The following FOCAD variants were observed in gnomAD, a reference collection of about 807,000 sequenced individuals.
FOCAD encodes KIAA1797.
Under a neutral mutation model 225.6 loss-of-function variants are expected in FOCAD, and 198 were observed. The observed-to-expected ratio is 0.88, with a 90% CI of 0.78 to 0.99. The LOEUF is 0.99. FOCAD is among the 50% of genes least tolerant of loss of function. FOCAD has a pLI of 0.00. For missense variants in FOCAD, 2,713 were observed against 2,123.6 expected, an observed-to-expected ratio of 1.28 and a Z score of -5.46; for synonymous variants, 897 against 755.0, an observed-to-expected ratio of 1.19 and a Z score of -3.08.
intron 25 of FOCAD, among the ~76,000 whole-genome samples, chr9:20,924,117 T>G (rs1054008724): frequency 6.6e-6 from 1 of 152,174 alleles, no homozygotes. Flanking sequence ...GTTTATTGAC[T>G]GAAAAAAATG....
intron 11 of FOCAD, among the ~76,000 whole-genome samples, chr9:20,799,526 C>A (rs562368513): frequency 6.6e-6 from 1 of 151,944 alleles, no homozygotes; most frequent in Non-Finnish European, 1.5e-5. Context: ...TGAATCTGGG[C>A]GCTCCTGTAT....
intron 15 of FOCAD, among the ~76,000 whole-genome samples, chr9:20,825,455 T>A (rs1486168519): frequency 1.3e-5 from 2 of 152,110 alleles, no homozygotes; most frequent in Non-Finnish European, 2.9e-5. Flanking sequence ...CTGGTGGCAT[T>A]TGGTAATGAT....
intron 8 of FOCAD, among the ~76,000 whole-genome samples, chr9:20,774,620 A>C (rs1458359100): frequency 6.6e-6 from 1 of 152,232 alleles, no homozygotes. Context: ...TATTTGATGC[A>C]CTTCAGTCTA....
intron 8 of FOCAD, among the ~76,000 whole-genome samples, chr9:20,777,545 T>C (rs1818887631): frequency 6.6e-6 from 1 of 152,146 alleles, no homozygotes; most frequent in Non-Finnish European, 1.5e-5. Flanking sequence ...GTGAACTTAA[T>C]GGTTTTCCAT....
intron 11 of FOCAD, among the ~76,000 whole-genome samples, chr9:20,805,188 T>C (rs1159815709): frequency 6.6e-6 from 1 of 152,224 alleles, no homozygotes; most frequent in Non-Finnish European, 1.5e-5. Context: ...TAAGGGTCTT[T>C]GAATGCATGT....
intron 29 of FOCAD, among the ~76,000 whole-genome samples, chr9:20,945,067 G>A (rs1837048159): frequency 6.6e-6 from 1 of 152,216 alleles, no homozygotes; most frequent in Non-Finnish European, 1.5e-5. Context: ...CTGGAAGAAG[G>A]TTAAATCGAG....
At position 20,937,428 on chromosome 9, in the gene FOCAD, A is replaced by T. The variant is rs866287122; in HGVS notation, c.3407+4325A>T. Reference sequence around the variant, plus strand: ...AGAGCTCTCAGAAATAATGCCACATATCTACAACCATCTGATCTTTGACAA... The same window carrying T: ...AGAGCTCTCAGAAATAATGCCACATTTCTACAACCATCTGATCTTTGACAA... On this transcript the variant is annotated intron_variant, in intron 28 of 43. Transcript: ENST00000338382. 1.1e-3 allele frequency among the ~76,000 whole-genome samples: 170 copies of T among 152,288 alleles called. 1 individual carries two copies. The Middle Eastern group carries it at 0.014, about 12-fold the overall frequency.
At chr9:20,719,696 G>C (rs1428963158) in intron 3 of FOCAD, among the ~76,000 whole-genome samples, 1 of 149,834 alleles carries the variant, frequency 6.7e-6, no homozygotes, top group Non-Finnish European at 1.5e-5. Context: ...TCCTTCTCAT[G>C]CTCTTCTATC....
intron 1 of FOCAD, among the ~76,000 whole-genome samples, chr9:20,698,037 G>A (rs754262593): frequency 4.6e-5 from 7 of 152,310 alleles, no homozygotes; most frequent in Non-Finnish European, 7.4e-5. Flanking sequence ...TTGCCTTGGC[G>A]TGTGCTGTGG....
chr9:20,897,183 C>G (rs374870723), intron 21 of FOCAD: 1 of 151,752 alleles, frequency 6.6e-6, no homozygotes. Flanking sequence ...GTTGTCAAGT[C>G]TGCTCTGTCT....
intron 21 of FOCAD, among the ~76,000 whole-genome samples, chr9:20,905,719 C>A (rs1832897028): frequency 6.6e-6 from 1 of 151,938 alleles, no homozygotes; most frequent in South Asian, 2.1e-4. Context: ...TAATGCCTTG[C>A]CAGCTGGAAA....
chr9:20,669,161 G>A (rs767524450), intron 2 of FOCAD, among the ~76,000 whole-genome samples: 3 of 152,146 alleles, frequency 2.0e-5, no homozygotes, highest in Non-Finnish European at 4.4e-5. Context: ...AGGCAAGTGA[G>A]GTCCTAGGGT....
At chr9:20,734,637 A>G (rs1826985447) in intron 4 of FOCAD, among the ~76,000 whole-genome samples, 1 of 151,816 alleles carries the variant, frequency 6.6e-6, no homozygotes, top group South Asian at 2.1e-4. Context: ...CACATACAGT[A>G]TAATATTGTC....
chr9:20,767,921 G>A (rs373033969), intron 7 of FOCAD, among the ~76,000 whole-genome samples: 10 of 152,096 alleles, frequency 6.6e-5, no homozygotes, highest in Admixed American at 2.0e-4. Context: ...CCTGAATGGT[G>A]ATGCCTAGGT....
intron 20 of FOCAD, among the ~76,000 whole-genome samples, chr9:20,884,358 G>C (rs1830928128): frequency 6.6e-6 from 1 of 152,090 alleles, no homozygotes; most frequent in Admixed American, 6.5e-5. Flanking sequence ...GAGTACAGTG[G>C]CACAATCTCA....
At chr9:20,753,204 G>A (rs1828728499) in intron 5 of FOCAD, among the ~76,000 whole-genome samples, 2 of 151,530 alleles carry the variant, frequency 1.3e-5, no homozygotes, top group Non-Finnish European at 3.0e-5. Context: ...ATGTTGAATA[G>A]GAGTGGTGAG....
intron 3 of FOCAD, among the ~76,000 whole-genome samples, chr9:20,719,366 A>G (rs1825599676): frequency 6.6e-6 from 1 of 152,232 alleles, no homozygotes; most frequent in South Asian, 2.1e-4. Flanking sequence ...TACAGGCATG[A>G]GCCACAGTGC....
Position 20,908,415 on chromosome 9 carries a change from T to A in FOCAD, c.2718+1173T>A, listed in dbSNP as rs546070563. On this transcript the variant is annotated intron_variant, in intron 22 of 43. Coordinates refer to ENST00000338382, the MANE Select transcript of FOCAD (RefSeq NM_001375567.1). ...CCCATCTTACAGATCTTAGAACTCG[T>A]AAAACACTAATGTATCTTCAGAGAT... is the stretch of plus-strand genomic sequence containing the variant. 2.6e-5 allele frequency among the ~76,000 whole-genome samples: 4 copies of A among 152,216 alleles called. 1 individual carries two copies. The highest frequency in any genetic ancestry group is 9.6e-5 in the African/African-American group (4 of 41,548).
At chr9:20,802,725 A>G (rs771612484) in intron 11 of FOCAD, among the ~76,000 whole-genome samples, 1 of 152,176 alleles carries the variant, frequency 6.6e-6, no homozygotes, top group Non-Finnish European at 1.5e-5. Flanking sequence ...ATTTCATTAA[A>G]TGAAATCCTA....
Sources: gnomAD v4.1 joint callset for allele counts (sites outside exome capture counted in the v4.1 genomes callset) on GRCh38, gnomAD v4.1.1 for gene constraint, MANE v1.5 for transcripts, NCBI Gene and HGNC (gene_info 2026-07-23, HGNC 2026-07-21) for gene names.